RCAN2: variants seen among roughly 807,000 people sequenced by gnomAD.
RCAN2 encodes the protein regulator of calcineurin 2.
A neutral mutation model predicts 23.6 loss-of-function variants in RCAN2; 9 were observed. The ratio of observed to expected loss-of-function variants is 0.38; its 90% CI spans 0.23 to 0.67. The LOEUF is 0.67. Ranked by LOEUF, RCAN2 falls within the 30% of genes least tolerant of loss-of-function variation. The pLI is 0.51. For missense variants in RCAN2, 273 were observed against 302.3 expected (o/e 0.90, Z 0.72); for synonymous variants, 109 against 115.7 (o/e 0.94, Z 0.37).
At chr6:46,260,495 C>T (rs1375168228) in intron 2 of RCAN2, among the ~76,000 whole-genome samples, 6 of 152,102 alleles carry the variant, frequency 3.9e-5, no homozygotes, top group African/African-American at 1.4e-4. Flanking sequence ...GAGGGGATTG[C>T]TTGGAACCTG....
intron 2 of RCAN2, among the ~76,000 whole-genome samples, chr6:46,332,564 G>T (rs1231588693): frequency 1.3e-5 from 2 of 150,068 alleles, no homozygotes; most frequent in African/African-American, 4.9e-5. Context: ...GCAGTGTTTG[G>T]TTTTTTGTTC....
In RCAN2 at chr6:46,254,118, C is replaced by T. The variant is rs189601538; in HGVS notation, c.226-5222G>A. 1.8e-4 allele frequency among the ~76,000 whole-genome samples: 27 copies of T among 152,328 alleles called. No individual in the cohort carries two copies. The East Asian group carries it at 4.0e-3, about 23-fold the overall frequency. ...GCTAAAGTACCAGCAGTTTTAACTA[C>T]CATTGCTTTTGCACCATGGGTATAA... On this transcript the variant is annotated intron_variant, in intron 2 of 4. Transcript: ENST00000371374.
chr6:46,298,463 T>C (rs1762790963), intron 2 of RCAN2, among the ~76,000 whole-genome samples: 2 of 152,130 alleles, frequency 1.3e-5, no homozygotes, highest in Admixed American at 6.6e-5. Flanking sequence ...CTGTATTCTT[T>C]GCTAATGGCT....
At chr6:46,448,278 A>G (rs1253459560) in intron 2 of RCAN2, among the ~76,000 whole-genome samples, 3 of 151,880 alleles carry the variant, frequency 2.0e-5, no homozygotes, top group Non-Finnish European at 4.4e-5. Flanking sequence ...CGAAGACTGA[A>G]TCACGAAGAA....
At chr6:46,241,145 T>G (rs532766713) in intron 4 of RCAN2, among the ~76,000 whole-genome samples, 22 of 152,360 alleles carry the variant, frequency 1.4e-4, no homozygotes, top group African/African-American at 5.3e-4. Context: ...TAGTGCCACG[T>G]GCGTCTCTAT....
chr6:46,360,676 A>G (rs1360302728), intron 2 of RCAN2, among the ~76,000 whole-genome samples: 3 of 152,196 alleles, frequency 2.0e-5, no homozygotes, highest in Non-Finnish European at 4.4e-5. Context: ...CTGGACTTAT[A>G]AGGTACAAAA....
intron 2 of RCAN2, among the ~76,000 whole-genome samples, chr6:46,293,882 G>GT (rs1304891759): frequency 1.3e-5 from 2 of 152,192 alleles, no homozygotes; most frequent in African/African-American, 4.8e-5. Context: ...GTGGAGAATA[G>GT]TAATTTGAGT....
At chr6:46,485,865 C>A (rs1303039516) in intron 1 of RCAN2, among the ~76,000 whole-genome samples, 1 of 152,126 alleles carries the variant, frequency 6.6e-6, no homozygotes, top group African/African-American at 2.4e-5. Context: ...TTGGTACTGA[C>A]AACAAATAAG....
intron 4 of RCAN2, among the ~76,000 whole-genome samples, chr6:46,233,993 T>A (rs1766001395): frequency 6.6e-6 from 1 of 152,126 alleles, no homozygotes; most frequent in Non-Finnish European, 1.5e-5. Context: ...CCTCCCAAAG[T>A]GCTGAGATTA....
In RCAN2 at chr6:46,250,211, C is replaced by A. The variant is rs987564607; in HGVS notation, c.226-1315G>T. Among the ~76,000 whole-genome samples, 6 of 152,162 alleles carry A rather than the reference C, an allele frequency of 3.9e-5. No individual in the cohort carries two copies. In the East Asian group the frequency reaches 1.2e-3, roughly 29 times the overall value. ...GGACACCCAGAACACTGCAGAAAGG[C>A]ATAACAGAAAACTAGAGAATTAAAA... is the stretch of plus-strand genomic sequence containing the variant. On this transcript the variant is annotated intron_variant, in intron 2 of 4. Coordinates refer to ENST00000371374, the MANE Select transcript of RCAN2 (RefSeq NM_001251974.2).
intron 2 of RCAN2, among the ~76,000 whole-genome samples, chr6:46,301,565 A>C (rs1179523578): frequency 6.6e-6 from 1 of 152,126 alleles, no homozygotes; most frequent in African/African-American, 2.4e-5. Context: ...CAAGACTGAC[A>C]AAGCTTGTTC....
chr6:46,362,628 C>A (rs1765050635), intron 2 of RCAN2, among the ~76,000 whole-genome samples: 3 of 152,022 alleles, frequency 2.0e-5, no homozygotes, highest in African/African-American at 7.2e-5. Flanking sequence ...TATAGTTTTT[C>A]CTTCTTTAAC....
chr6:46,387,537 T>C (rs1187611896), intron 2 of RCAN2, among the ~76,000 whole-genome samples: 3 of 152,128 alleles, frequency 2.0e-5, no homozygotes, highest in Non-Finnish European at 4.4e-5. Context: ...GAAATGCATA[T>C]GAAAACCACA....
chr6:46,477,420 T>C (rs1768745690), intron 1 of RCAN2, among the ~76,000 whole-genome samples: 1 of 152,204 alleles, frequency 6.6e-6, no homozygotes, highest in South Asian at 2.1e-4. Flanking sequence ...ACAGATGTTG[T>C]GTGCTGATGC....
At chr6:46,284,621 T>C (rs1762308311) in intron 2 of RCAN2, among the ~76,000 whole-genome samples, 1 of 152,188 alleles carries the variant, frequency 6.6e-6, no homozygotes, top group Non-Finnish European at 1.5e-5. Context: ...TAAGTGGTCC[T>C]CAAGCTTTTC....
At chr6:46,396,249 TG>T (rs1342112637) in intron 2 of RCAN2, among the ~76,000 whole-genome samples, 1 of 152,164 alleles carries the variant, frequency 6.6e-6, no homozygotes, top group Non-Finnish European at 1.5e-5. Flanking sequence ...ATGAAAGTGA[TG>T]GGACCAAGCA....
chr6:46,365,823 A>C (rs942727276), intron 2 of RCAN2, among the ~76,000 whole-genome samples: 1 of 152,232 alleles, frequency 6.6e-6, no homozygotes, highest in African/African-American at 2.4e-5. Flanking sequence ...TAGTTTAGGA[A>C]TTCCATAGGA....
At chr6:46,490,998 ACTGCCC>A (rs1769124872) in intron 1 of RCAN2, among the ~76,000 whole-genome samples, 169 bp downstream of exon 1, 1 of 96,186 alleles carries the variant, frequency 1.0e-5, no homozygotes. Context: ...CACCCCCGCC[ACTGCCC>A]CCACCCCCGC....
chr6:46,250,313 T>C (rs148968232), intron 2 of RCAN2, among the ~76,000 whole-genome samples: 3 of 152,350 alleles, frequency 2.0e-5, no homozygotes, highest in African/African-American at 7.2e-5. Context: ...AAAATATCCT[T>C]ATTATAAGAA....
Sources: gnomAD v4.1 joint callset for allele counts (sites outside exome capture counted in the v4.1 genomes callset) on GRCh38, gnomAD v4.1.1 for gene constraint, MANE v1.5 for transcripts, NCBI Gene and HGNC (gene_info 2026-07-23, HGNC 2026-07-21) for gene names.